BLOC1S2: variants seen among roughly 807,000 people sequenced by gnomAD.
The protein encoded by BLOC1S2 is biogenesis of lysosomal organelles complex 1 subunit 2, also known as biogenesis of lysosome-related organelles complex 1 subunit 2.
A neutral mutation model predicts 19.6 loss-of-function variants in BLOC1S2; 12 were observed. The observed-to-expected ratio is 0.61, with a 90% CI of 0.39 to 0.99. The LOEUF (loss-of-function observed/expected upper bound fraction) is 0.99, where lower values mean the gene tolerates loss of function less well. Ranked by LOEUF, BLOC1S2 falls within the 50% of genes least tolerant of loss-of-function variation. The pLI, the probability that BLOC1S2 is intolerant of heterozygous loss-of-function variation, is 0.00. For missense variants in BLOC1S2, 142 were observed against 171.0 expected (o/e 0.83, Z 0.95); for synonymous variants, 66 against 64.1 (o/e 1.03, Z -0.14).
chr10:100,277,849 C>T (rs1402412751), intron 4 of BLOC1S2, among the ~76,000 whole-genome samples: 7 of 129,074 alleles, frequency 5.4e-5, no homozygotes, highest in African/African-American at 1.2e-4. Flanking sequence ...GTCAGCCCCC[C>T]GCCCGGCCAG....
At chr10:100,276,451 C>A (rs1475267396) in intron 4 of BLOC1S2, among the ~76,000 whole-genome samples, 1 of 14,154 alleles carries the variant, frequency 7.1e-5, no homozygotes, top group Non-Finnish European at 1.4e-4. Flanking sequence ...TCCCGTCTCC[C>A]TCTCCCTCTC....
chr10:100,281,682 C>CAAAAA lies in BLOC1S2; in HGVS notation c.173-634_173-630dup, dbSNP rs1157230215. Among the ~76,000 whole-genome samples the CAAAAA allele has an allele frequency of 4.0e-3, 279 of 69,652 alleles. 1 individual carries two copies. Among genetic ancestry groups the CAAAAA allele is most frequent in the African/African-American group, 0.017 (265 of 15,628 alleles). The allele number at this position is 69,652 out of a possible 152,430, so 45.7% of individuals were successfully genotyped here. A position where few individuals can be genotyped will look rare whatever the true frequency, so the allele number is the denominator to read the frequency against. On this transcript the variant is annotated intron_variant, in intron 2 of 4. Coordinates refer to ENST00000370372, the MANE Select transcript of BLOC1S2 (RefSeq NM_173809.5). ...TGGGTGACAGAGTGAGACTCCATCT[C>CAAAAA]AAAAAAAAAAAATATATATATATAC...
chr10:100,283,676 G>C (rs999478613), intron 2 of BLOC1S2, among the ~76,000 whole-genome samples: 1 of 152,210 alleles, frequency 6.6e-6, no homozygotes, highest in East Asian at 1.9e-4. Flanking sequence ...TTCAAGTCCA[G>C]CCTGGCTGAC....
intron 4 of BLOC1S2, 61 bp from the exon 5 acceptor site, chr10:100,275,554 G>A (rs917944995): frequency 2.7e-6 from 4 of 1,473,428 alleles, no homozygotes; most frequent in Admixed American, 1.9e-5. Context: ...ACAGTTTTTA[G>A]TTAGCATTTC....
intron 4 of BLOC1S2, among the ~76,000 whole-genome samples, chr10:100,277,368 G>C (rs1170975093): frequency 1.3e-5 from 2 of 150,820 alleles, no homozygotes; most frequent in South Asian, 2.1e-4. Flanking sequence ...CGCCCCGTCC[G>C]GGAGGTGAGG....
intron 1 of BLOC1S2, 184 bp from the exon 2 acceptor site, chr10:100,286,397 C>T: frequency 7.5e-6 from 11 of 1,458,642 alleles, no homozygotes; most frequent in Non-Finnish European, 1.0e-5. Context: ...GCCTCCCTCG[C>T]ACCGCCCCTC....
At chr10:100,281,709 C>T (rs561658273) in intron 2 of BLOC1S2, among the ~76,000 whole-genome samples, 1,891 of 128,794 alleles carry the variant, frequency 0.015, 42 homozygotes, top group African/African-American at 0.057. Flanking sequence ...TATATATACA[C>T]ATACACACAC....
chr10:100,282,862 C>T, intron 2 of BLOC1S2: 1 of 398,590 alleles, frequency 2.5e-6, no homozygotes, highest in Non-Finnish European at 4.4e-6. Context: ...AAATTAAGTG[C>T]ACCATACAGG....
At chr10:100,276,267 T>C (rs1252528685) in intron 4 of BLOC1S2, among the ~76,000 whole-genome samples, 1 of 151,736 alleles carries the variant, frequency 6.6e-6, no homozygotes, top group African/African-American at 2.4e-5. Flanking sequence ...GTAAATGTTA[T>C]AAGGACAAAA....
chr10:100,282,859 G>A lies in BLOC1S2; in HGVS notation c.173-1806C>T, dbSNP rs1848142597. 1.3e-5 allele frequency: 5 copies of A among 398,416 alleles called. No individual in the cohort carries two copies. The Admixed American group carries it at 1.8e-4, about 14-fold the overall frequency. The allele number at this position is 398,416 out of a possible 1,614,324, so 24.7% of individuals were successfully genotyped here. ...TTAAGTGTTACTAAAAACAAATTAA[G>A]TGCACCATACAGGCATTCCCTGACA... On this transcript the variant is annotated intron_variant, in intron 2 of 4. Coordinates refer to ENST00000370372, the MANE Select transcript of BLOC1S2 (RefSeq NM_173809.5).
At chr10:100,275,542 A>G in intron 4 of BLOC1S2, 49 bp from the exon 5 acceptor site, 2 of 1,545,666 alleles carry the variant, frequency 1.3e-6, no homozygotes, top group Non-Finnish European at 1.8e-6. Flanking sequence ...GCTCTTACAA[A>G]GACAGTTTTT....
chr10:100,286,329 C>T (rs1293998921), intron 1 of BLOC1S2, 116 bp from the exon 2 acceptor site: 12 of 1,483,934 alleles, frequency 8.1e-6, no homozygotes, highest in African/African-American at 1.4e-5. Flanking sequence ...GCTCCATTCT[C>T]CATCTGCCAT....
chr10:100,276,394 CTCTCCCTCTCCCG>C (rs1262254845), intron 4 of BLOC1S2, among the ~76,000 whole-genome samples: 1 of 38,356 alleles, frequency 2.6e-5, no homozygotes, highest in Admixed American at 2.3e-4. Flanking sequence ...TCCCGTCTCC[CTCTCCCTCTCCCG>C]TCTCCCTCTC....
chr10:100,276,406 CG>C lies in BLOC1S2; in HGVS notation c.398-914del, dbSNP rs776555000. ...CTCTCCCGTCTCCCTCTCCCTCTCC[CG>C]TCTCCCTCTCCCTCTCCCGTCTCCC... On this transcript the variant is annotated intron_variant, in intron 4 of 4. Transcript: ENST00000370372. Among the ~76,000 whole-genome samples the C allele has an allele frequency of 3.5e-4, 10 of 28,398 alleles. 1 individual carries two copies. Among genetic ancestry groups the C allele is most frequent in the East Asian group, 1.7e-3 (2 of 1,188 alleles). 18.6% of individuals were successfully genotyped at this position (28,398 alleles called of 152,430 possible). A position where few individuals can be genotyped will look rare whatever the true frequency, so the allele number is the denominator to read the frequency against.
chr10:100,282,941 C>A, intron 2 of BLOC1S2: 1 of 398,642 alleles, frequency 2.5e-6, no homozygotes, highest in African/African-American at 2.1e-5. Flanking sequence ...TCTCATCCTG[C>A]ACAGCGTCCA....
At chr10:100,277,827 G>T (rs1847961549) in intron 4 of BLOC1S2, among the ~76,000 whole-genome samples, 1 of 134,680 alleles carries the variant, frequency 7.4e-6, no homozygotes, top group Non-Finnish European at 1.6e-5. Flanking sequence ...CGTCCGGGAG[G>T]GAGGTGGGGG....
intron 4 of BLOC1S2, among the ~76,000 whole-genome samples, chr10:100,276,895 C>T (rs1255997522): frequency 6.6e-6 from 1 of 152,196 alleles, no homozygotes; most frequent in Admixed American, 6.5e-5. Flanking sequence ...CCCCAAAGTG[C>T]GGAGATTGCA....
At chr10:100,280,913 A>G (rs970751959) in intron 3 of BLOC1S2, 21 bp downstream of exon 3, 2 of 1,598,176 alleles carry the variant, frequency 1.3e-6, no homozygotes, top group Non-Finnish European at 1.7e-6. Flanking sequence ...AACATGTTTA[A>G]TTACAAATAT....
Position 100,277,473 on chromosome 10 carries a change from C to T in BLOC1S2, c.398-1980G>A, listed in dbSNP as rs754614635. ...GAGGGAGGTGGGGGGGTCAGCCCCC[C>T]GCCCGGCCAGCCGTCCCGTCCGGGA... On this transcript the variant is annotated intron_variant, in intron 4 of 4. Coordinates refer to ENST00000370372, the MANE Select transcript of BLOC1S2 (RefSeq NM_173809.5). Among the ~76,000 whole-genome samples, 1,252 of 136,016 alleles carry T rather than the reference C, an allele frequency of 9.2e-3. 23 individuals carry two copies. The highest frequency in any genetic ancestry group is 0.018 in the Middle Eastern group (4 of 228). 89.2% of individuals were successfully genotyped at this position (136,016 alleles called of 152,430 possible). A position where few individuals can be genotyped will look rare whatever the true frequency, so the allele number is the denominator to read the frequency against.
Sources: allele counts gnomAD v4.1 joint callset (sites outside exome capture counted in the v4.1 genomes callset), GRCh38; gene constraint gnomAD v4.1.1; transcripts MANE v1.5; gene names NCBI Gene and HGNC (gene_info 2026-07-23, HGNC 2026-07-21).